Variants in TRAM2 observed in about 807,000 individuals in gnomAD.
TRAM2 encodes the protein translocation associated membrane protein 2, also known as translocating chain-associated membrane protein 2.
A neutral mutation model predicts 51.0 loss-of-function variants in TRAM2; 12 were observed. The ratio of observed to expected loss-of-function variants is 0.24; its 90% CI spans 0.15 to 0.38. The LOEUF (loss-of-function observed/expected upper bound fraction) is 0.38. TRAM2 is among the 10% of genes least tolerant of loss of function. TRAM2 has a pLI of 1.00. For missense variants in TRAM2, 361 were observed against 462.0 expected, an observed-to-expected ratio of 0.78 and a Z score of 2.00; for synonymous variants, 175 against 179.4, an observed-to-expected ratio of 0.98 and a Z score of 0.20.
intron 2 of TRAM2, among the ~76,000 whole-genome samples, chr6:52,521,305 T>G (rs1766668966): frequency 6.6e-6 from 1 of 152,188 alleles, no homozygotes; most frequent in Non-Finnish European, 1.5e-5. Context: ...ACTATAGAGG[T>G]TGGACCTTTG....
At chr6:52,538,226 C>A (rs536231354) in intron 1 of TRAM2, among the ~76,000 whole-genome samples, 1 of 152,216 alleles carries the variant, frequency 6.6e-6, no homozygotes, top group Non-Finnish European at 1.5e-5. Flanking sequence ...GCACATATCT[C>A]CCACTTGATT....
rs148565687 is a variant in TRAM2 at position 52,508,614 on chromosome 6, G to C, written c.471-296C>G. ...GAGGAATCCTTCAGCCTTGAGGAGGGAGCTGATTACAGAGCACTGTTGGAG... is the reference window on the plus strand; with the variant it reads ...GAGGAATCCTTCAGCCTTGAGGAGGCAGCTGATTACAGAGCACTGTTGGAG... On this transcript the variant is annotated intron_variant, in intron 5 of 10. Coordinates refer to ENST00000182527, the MANE Select transcript of TRAM2 (RefSeq NM_012288.4). Among the ~76,000 whole-genome samples, 566 of 152,334 alleles carry C rather than the reference G, an allele frequency of 3.7e-3. 3 individuals are homozygous for C. Among genetic ancestry groups the C allele is most frequent in the South Asian group, 0.029 (138 of 4,828 alleles).
chr6:52,575,061 C>T (rs1883931), intron 1 of TRAM2, among the ~76,000 whole-genome samples: 36,469 of 152,066 alleles, frequency 0.24, 4,506 homozygotes, highest in Non-Finnish European at 0.28. Context: ...GCAGAGAATG[C>T]GCTGGGCAAA....
intron 1 of TRAM2, among the ~76,000 whole-genome samples, chr6:52,566,678 T>C (rs1416210189): frequency 6.6e-6 from 1 of 152,210 alleles, no homozygotes; most frequent in Non-Finnish European, 1.5e-5. Flanking sequence ...GAGCATCCTA[T>C]GACACCAGTG....
At chr6:52,569,510 CTG>C (rs1285400257) in intron 1 of TRAM2, among the ~76,000 whole-genome samples, 4 of 151,684 alleles carry the variant, frequency 2.6e-5, no homozygotes, top group African/African-American at 9.7e-5. Flanking sequence ...AGGGTACAAA[CTG>C]TGCCTCACAA....
rs1164919419 is a variant in TRAM2 at position 52,501,249 on chromosome 6, G to A, written c.*1948C>T. 2 of 152,166 alleles carry A rather than the reference G, an allele frequency of 1.3e-5. No individual in the cohort carries two copies. The highest frequency in any genetic ancestry group is 2.1e-4 in the South Asian group (1 of 4,822). The allele number at this position is 152,166 out of a possible 1,614,324, so 9.4% of individuals were successfully genotyped here. A position where few individuals can be genotyped will look rare whatever the true frequency, so the allele number is the denominator to read the frequency against. ...CCTAAGGGTAATCAAAAGCAACCAC[G>A]GGTAGCTCTTCCCATTTCTGCAACC... On this transcript the variant is annotated 3_prime_UTR_variant, in exon 11 of 11. Coordinates refer to ENST00000182527, the MANE Select transcript of TRAM2 (RefSeq NM_012288.4).
intron 1 of TRAM2, among the ~76,000 whole-genome samples, chr6:52,536,996 C>T (rs765332623): frequency 6.6e-6 from 1 of 152,232 alleles, no homozygotes; most frequent in South Asian, 2.1e-4. Flanking sequence ...TGATACATCA[C>T]AGATGCCCTG....
intron 1 of TRAM2, among the ~76,000 whole-genome samples, chr6:52,549,327 A>G (rs1767267874): frequency 6.8e-6 from 1 of 146,126 alleles, no homozygotes; most frequent in Non-Finnish European, 1.5e-5. Flanking sequence ...TCCTGAGTTC[A>G]TCAGTGGGGA....
intron 1 of TRAM2, among the ~76,000 whole-genome samples, chr6:52,545,274 G>A (rs902193394): frequency 3.3e-5 from 5 of 152,204 alleles, no homozygotes; most frequent in African/African-American, 1.2e-4. Flanking sequence ...ATGGCTCAAT[G>A]TGCAAAACCC....
chr6:52,538,253 CAT>C (rs906653328), intron 1 of TRAM2, among the ~76,000 whole-genome samples: 10 of 152,224 alleles, frequency 6.6e-5, no homozygotes, highest in African/African-American at 1.2e-4. Context: ...AAGAAATGCA[CAT>C]GTCTTTTAGA....
intron 1 of TRAM2, among the ~76,000 whole-genome samples, chr6:52,568,206 C>T (rs1158715002): frequency 6.6e-6 from 1 of 152,208 alleles, no homozygotes; most frequent in Non-Finnish European, 1.5e-5. Context: ...AGCCATAATT[C>T]ATTCCTCAAG....
intron 1 of TRAM2, among the ~76,000 whole-genome samples, chr6:52,562,432 G>A (rs772743063): frequency 1.3e-5 from 2 of 152,186 alleles, no homozygotes; most frequent in Non-Finnish European, 2.9e-5. Context: ...CAACAGAAAC[G>A]TCACAGAGGA....
intron 4 of TRAM2, among the ~76,000 whole-genome samples, chr6:52,515,613 G>A (rs559334862): frequency 1.3e-5 from 2 of 152,316 alleles, no homozygotes; most frequent in African/African-American, 4.8e-5. Flanking sequence ...CAAAATTTGA[G>A]CTTGGAACTC....
intron 2 of TRAM2, chr6:52,529,708 C>T (rs1766851343): frequency 6.6e-6 from 1 of 152,200 alleles, no homozygotes; most frequent in South Asian, 2.1e-4. Flanking sequence ...AAGTGTTTCA[C>T]CCAAGACCAT....
intron 2 of TRAM2, among the ~76,000 whole-genome samples, chr6:52,531,616 C>T (rs1405558264): frequency 2.0e-5 from 3 of 152,168 alleles, no homozygotes; most frequent in Non-Finnish European, 4.4e-5. Flanking sequence ...GTTACTAGAA[C>T]CCCCTGAGGT....
intron 2 of TRAM2, among the ~76,000 whole-genome samples, chr6:52,519,150 T>A (rs1766614964): frequency 6.6e-6 from 1 of 152,184 alleles, no homozygotes; most frequent in African/African-American, 2.4e-5. Context: ...CGCACAGGGC[T>A]CCATGCTGGG....
chr6:52,566,255 G>A (rs1767589225), intron 1 of TRAM2, among the ~76,000 whole-genome samples: 1 of 152,168 alleles, frequency 6.6e-6, no homozygotes, highest in Admixed American at 6.5e-5. Context: ...CACTGTCCTT[G>A]CCCGCCCCAC....
chr6:52,533,495 T>A (rs1766928092), intron 2 of TRAM2, among the ~76,000 whole-genome samples: 1 of 152,212 alleles, frequency 6.6e-6, no homozygotes, highest in Admixed American at 6.5e-5. Context: ...CCTGGCCCAC[T>A]GAGGACAGAG....
intron 1 of TRAM2, among the ~76,000 whole-genome samples, chr6:52,554,519 CAAAAAAA>C (rs55641649): frequency 3.7e-5 from 4 of 109,082 alleles, no homozygotes; most frequent in South Asian, 2.9e-4. Context: ...GACCCCATCT[CAAAAAAA>C]AAAAAAAAAA....
Sources: allele counts gnomAD v4.1 joint callset (sites outside exome capture counted in the v4.1 genomes callset), GRCh38; gene constraint gnomAD v4.1.1; transcripts MANE v1.5; gene names NCBI Gene and HGNC (gene_info 2026-07-23, HGNC 2026-07-21).